Variants in FOXK1 observed in about 807,000 individuals in gnomAD.
FOXK1 encodes forkhead box K1.
In FOXK1, 19 loss-of-function variants were observed where a neutral mutation model predicts 51.9. The observed-to-expected ratio is 0.37, with a 90% confidence interval of 0.26 to 0.54. FOXK1 has a LOEUF of 0.54. FOXK1 is among the 20% of genes least tolerant of loss of function. The pLI, the probability that FOXK1 is intolerant of heterozygous loss-of-function variation, is 0.87. For missense variants in FOXK1, 870 were observed against 1,032.7 expected (o/e 0.84, Z 2.16); for synonymous variants, 537 against 482.6 (o/e 1.11, Z -1.48).
intron 1 of FOXK1, 116 bp from the exon 2 acceptor site, chr7:4,740,722 C>A: frequency 9.5e-7 from 1 of 1,052,618 alleles, no homozygotes; most frequent in Non-Finnish European, 1.4e-6. Flanking sequence ...CTCTGGGGCC[C>A]AGGTTTGAGA....
Position 4,756,117 on chromosome 7 carries a change from T to C in FOXK1, c.1050+734T>C, listed in dbSNP as rs989545191. On this transcript the variant is annotated intron_variant, in intron 4 of 8. Transcript: ENST00000328914. The surrounding 1 kb of genome is among the most constrained non-coding windows in gnomAD (Gnocchi z 4.1). Reference sequence around the variant, plus strand: ...CATCCACTAGCTTTGGTTTTTTGTTTGTTTGTTTGTTTTTTGAGACAGGAT... The same window carrying C: ...CATCCACTAGCTTTGGTTTTTTGTTCGTTTGTTTGTTTTTTGAGACAGGAT... Among the ~76,000 whole-genome samples the C allele has an allele frequency of 6.6e-6, 1 of 152,150 alleles. No homozygotes were observed. The highest frequency in any genetic ancestry group is 2.4e-5 in the African/African-American group (1 of 41,438).
At chr7:4,688,283 C>A (rs989030316) in intron 1 of FOXK1, among the ~76,000 whole-genome samples, 5 of 149,242 alleles carry the variant, frequency 3.4e-5, no homozygotes, top group African/African-American at 4.9e-5. Context: ...AAAAAAAAAA[C>A]CACAGTGTCA....
intron 1 of FOXK1, among the ~76,000 whole-genome samples, chr7:4,714,723 G>A (rs989379439): frequency 2.6e-5 from 4 of 152,240 alleles, no homozygotes; most frequent in South Asian, 2.1e-4. Flanking sequence ...TTACATTCCC[G>A]CGGTTCAAAA....
chr7:4,745,426 C>T lies in FOXK1; in HGVS notation c.746+4403C>T, dbSNP rs1368862075. Among the ~76,000 whole-genome samples the T allele has an allele frequency of 6.0e-5, 9 of 150,992 alleles. No individual in the cohort carries two copies. In the East Asian group the frequency reaches 1.6e-3, roughly 27 times the overall value. On this transcript the variant is annotated intron_variant, in intron 2 of 8. Transcript: ENST00000328914. The surrounding 1 kb of genome is among the most constrained non-coding windows in gnomAD (Gnocchi z 4.3). ...TTCCTTTCCGTTTCTCGCAGGCCCT[C>T]GCTCCTTTTCCCAGGGTGGGTGGGT... is the stretch of plus-strand genomic sequence containing the variant.
rs865922413 is a variant in FOXK1, at chr7:4,735,132, G to C, written c.561-5706G>C. Among the ~76,000 whole-genome samples the C allele has an allele frequency of 8.5e-5, 13 of 152,236 alleles. No homozygotes were observed. The highest frequency in any genetic ancestry group is 2.1e-4 in the South Asian group (1 of 4,820). On this transcript the variant is annotated intron_variant, in intron 1 of 8. Transcript: ENST00000328914. The surrounding 1 kb of genome is among the most constrained non-coding windows in gnomAD (Gnocchi z 4.7). ...GCACATGACATGCCCCAAGTCACTC[G>C]GGCTCAGCACTGGTGGAGCGGTGGC... is the stretch of plus-strand genomic sequence containing the variant.
At position 4,729,952 on chromosome 7, in the gene FOXK1, T is replaced by C. The variant is rs1330478186; in HGVS notation, c.561-10886T>C. ...TTGCAGTGAGCTGAGATCCAGCCAC[T>C]GCCCTCCAGCCTGGGCGACAGAGCG... On this transcript the variant is annotated intron_variant, in intron 1 of 8. Coordinates refer to ENST00000328914, the MANE Select transcript of FOXK1 (RefSeq NM_001037165.2). This position sits in a 1 kb window ranked among gnomAD's most constrained non-coding sequence, Gnocchi z 6.2. 6.6e-6 allele frequency among the ~76,000 whole-genome samples: 1 copy of C among 152,120 alleles called. No homozygotes were observed. The highest frequency in any genetic ancestry group is 2.1e-4 in the South Asian group (1 of 4,830).
chr7:4,705,958 ATG>A (rs1237131883), intron 1 of FOXK1, among the ~76,000 whole-genome samples: 6 of 127,036 alleles, frequency 4.7e-5, no homozygotes, highest in East Asian at 2.0e-4. Flanking sequence ...ATATATATAT[ATG>A]TATATATATA....
intron 1 of FOXK1, among the ~76,000 whole-genome samples, chr7:4,725,681 C>T (rs934825341): frequency 2.0e-5 from 3 of 152,254 alleles, no homozygotes; most frequent in African/African-American, 4.8e-5. Flanking sequence ...CCAAGGCTGC[C>T]GACTGGCCCA....
Position 4,683,608 on chromosome 7 carries a change from G to T in FOXK1, c.560+740G>T, listed in dbSNP as rs1779781434. Among the ~76,000 whole-genome samples the T allele has an allele frequency of 6.6e-6, 1 of 151,162 alleles. No individual in the cohort carries two copies. Among genetic ancestry groups the T allele is most frequent in the Admixed American group, 6.6e-5 (1 of 15,194 alleles). ...GACCCCCACCAGCTTGGACTCCAGG[G>T]TCACCCCAGCCTGACCTGGTTCTCA... On this transcript the variant is annotated intron_variant, in intron 1 of 8. Transcript: ENST00000328914. The surrounding 1 kb of genome is among the most constrained non-coding windows in gnomAD (Gnocchi z 4.5).
chr7:4,728,448 A>C (rs950668739), intron 1 of FOXK1, among the ~76,000 whole-genome samples: 10 of 152,000 alleles, frequency 6.6e-5, no homozygotes. Flanking sequence ...CTCCTGGGAG[A>C]CTCCACATTC....
intron 1 of FOXK1, among the ~76,000 whole-genome samples, chr7:4,706,661 T>C (rs1466822274): frequency 6.6e-6 from 1 of 152,230 alleles, no homozygotes; most frequent in Non-Finnish European, 1.5e-5. Context: ...GATTTACAGT[T>C]CTGTCTGAAT....
chr7:4,771,374 G>A lies in FOXK1; in HGVS notation c.*8910G>A, dbSNP rs1226971883. 6.6e-6 allele frequency: 1 copy of A among 152,398 alleles called. No individual in the cohort carries two copies. Among genetic ancestry groups the A allele is most frequent in the Non-Finnish European group, 1.5e-5 (1 of 67,992 alleles). The allele number at this position is 152,398 out of a possible 1,614,324, so 9.4% of individuals were successfully genotyped here. A position where few individuals can be genotyped will look rare whatever the true frequency, so the allele number is the denominator to read the frequency against. ...CTATTAAATTGTTGTATGTGGATGG[G>A]GAAGTTTTGTTTCTCCTCTTAGCAT... On this transcript the variant is annotated 3_prime_UTR_variant, in exon 9 of 9. Transcript: ENST00000328914.
At position 4,768,402 on chromosome 7, in the gene FOXK1, G is replaced by C. The variant is rs1781048303; in HGVS notation, c.*5938G>C. 3.6e-5 allele frequency: 5 copies of C among 138,308 alleles called. 2 individuals carry two copies. Among genetic ancestry groups the C allele is most frequent in the African/African-American group, 1.7e-4 (5 of 29,182 alleles). The allele number at this position is 138,308 out of a possible 1,614,324, so 8.6% of individuals were successfully genotyped here. A position where few individuals can be genotyped will look rare whatever the true frequency, so the allele number is the denominator to read the frequency against. On this transcript the variant is annotated 3_prime_UTR_variant, in exon 9 of 9. Transcript: ENST00000328914. ...CCGCCTCGGCCTCCCAAAGTGCTGG[G>C]ATTACAGGCGTGAGCCACCGCGCCC...
In FOXK1 at chr7:4,743,977, A is replaced by G. The variant is rs1780668899; in HGVS notation, c.746+2954A>G. Among the ~76,000 whole-genome samples the G allele has an allele frequency of 6.6e-6, 1 of 151,966 alleles. No individual in the cohort carries two copies. Among genetic ancestry groups the G allele is most frequent in the African/African-American group, 2.4e-5 (1 of 41,350 alleles). On this transcript the variant is annotated intron_variant, in intron 2 of 8. Coordinates refer to ENST00000328914, the MANE Select transcript of FOXK1 (RefSeq NM_001037165.2). This position sits in a 1 kb window ranked among gnomAD's most constrained non-coding sequence, Gnocchi z 5.3. ...GTGCAAGCTCCACCTCCCTGGTTCA[A>G]GCAATTCCCCTGTCTCAGCCTTGAG...
chr7:4,705,334 C>G (rs1044821207), intron 1 of FOXK1, among the ~76,000 whole-genome samples: 2 of 151,926 alleles, frequency 1.3e-5, no homozygotes, highest in Non-Finnish European at 2.9e-5. Context: ...ACTACAGGCG[C>G]ATGCCATCAC....
At chr7:4,724,116 C>G (rs944359305) in intron 1 of FOXK1, among the ~76,000 whole-genome samples, 1 of 152,184 alleles carries the variant, frequency 6.6e-6, no homozygotes, top group African/African-American at 2.4e-5. Context: ...AATGGCTGCG[C>G]ACCAGGCAGT....
rs747245559 is a variant in FOXK1 at position 4,682,832 on chromosome 7, A to G, written c.524A>G (p.Gln175Arg). The G allele has an allele frequency of 1.9e-6, 3 of 1,568,602 alleles. No individual in the cohort carries two copies. The highest frequency in any genetic ancestry group is 2.6e-6 in the Non-Finnish European group (3 of 1,163,162). ...KNGVFVDGAF[Q>R]RRGAPALQLP... ...GGCGTCTTCGTGGACGGGGCCTTCCAGAGACGCGGCGCGCCCGCCCTGCAG... is the reference window on the plus strand; with the variant it reads ...GGCGTCTTCGTGGACGGGGCCTTCCGGAGACGCGGCGCGCCCGCCCTGCAG... The change falls in exon 1 of 9, where the codon CAG (glutamine) becomes CGG (arginine). Residue 175 changes from glutamine to arginine, a missense_variant. Physicochemically the swap from Gln to Arg is conservative, Grantham distance 43. This residue lies in a region of FOXK1 where 399 missense variants were observed against 475.6 expected (regional missense o/e 0.84). Coordinates refer to ENST00000328914, the MANE Select transcript of FOXK1 (RefSeq NM_001037165.2). This position sits in a 1 kb window ranked among gnomAD's most constrained non-coding sequence, Gnocchi z 7.6.
intron 1 of FOXK1, among the ~76,000 whole-genome samples, chr7:4,720,708 CTT>C (rs147233214): frequency 1.1e-4 from 16 of 144,592 alleles, no homozygotes; most frequent in Non-Finnish European, 1.7e-4. Context: ...TAGCTTTTTA[CTT>C]TTTTTTTTTT....
chr7:4,710,002 G>A (rs1226671855), intron 1 of FOXK1, among the ~76,000 whole-genome samples: 3 of 152,200 alleles, frequency 2.0e-5, no homozygotes, highest in African/African-American at 4.8e-5. Context: ...ATTTTTAAAC[G>A]TTAAATTGTG....
Sources: gnomAD v4.1 joint callset for allele counts (sites outside exome capture counted in the v4.1 genomes callset) on GRCh38, gnomAD v4.1.1 for gene constraint, gnomAD v4.1.1 regional missense constraint, Gnocchi (gnomAD v3.1) non-coding constraint, MANE v1.5 for transcripts, NCBI Gene and HGNC (gene_info 2026-07-23, HGNC 2026-07-21) for gene names.